THAP6: variants seen among roughly 807,000 people sequenced by gnomAD.
THAP6 encodes THAP domain containing 6, also known as THAP domain-containing protein 6.
Under a neutral mutation model 20.0 loss-of-function variants are expected in THAP6, and 13 were observed. That is an observed-to-expected ratio of 0.65 (90% CI 0.42 to 1.03). The LOEUF (loss-of-function observed/expected upper bound fraction) is 1.03, where lower values mean the gene tolerates loss of function less well. THAP6 is among the 50% of genes least tolerant of loss of function. The pLI is 0.00. For synonymous variants in THAP6, 93 were observed against 92.2 expected, an observed-to-expected ratio of 1.01 and a Z score of -0.05; for missense variants, 262 against 261.6, an observed-to-expected ratio of 1.00 and a Z score of -0.01.
intron 2 of THAP6, chr4:75,539,939 T>C (rs1404284517): frequency 1.3e-6 from 2 of 1,536,024 alleles, no homozygotes; most frequent in Admixed American, 2.0e-5. Flanking sequence ...GAATGGCAAG[T>C]GGACAGGCAA....
In THAP6 at chr4:75,515,480, T is replaced by A; in HGVS notation, c.28T>A (p.Cys10Ser). Reference sequence around the variant, plus strand: ...GGTGAAATGCTGCTCCGCCATTGGATGTGCTTCTCGCTGCTTGCCAAATTC... The same window carrying A: ...GGTGAAATGCTGCTCCGCCATTGGAAGTGCTTCTCGCTGCTTGCCAAATTC... Reference protein sequence around the residue: MVKCCSAIGCASRCLPNSKL... With the variant: MVKCCSAIGSASRCLPNSKL... Residue 10 changes from cysteine to serine, a missense_variant, in exon 2 of 5, where the codon TGT (cysteine) becomes AGT (serine). Physicochemically the swap from Cys to Ser is moderately radical, Grantham distance 112. Coordinates refer to ENST00000311638, the MANE Select transcript of THAP6 (RefSeq NM_144721.6). The A allele has an allele frequency of 1.2e-6, 2 of 1,614,076 alleles. No individual in the cohort carries two copies. The highest frequency in any genetic ancestry group is 1.7e-6 in the Non-Finnish European group (2 of 1,179,918).
Position 75,514,492 on chromosome 4 carries a change from G to C in THAP6, c.-49G>C. The C allele has an allele frequency of 3.7e-6, 2 of 539,864 alleles. No homozygotes were observed. The highest frequency in any genetic ancestry group is 5.4e-5 in the South Asian group (2 of 36,948). The allele number at this position is 539,864 out of a possible 1,614,324, so 33.4% of individuals were successfully genotyped here. On this transcript the variant is annotated 5_prime_UTR_variant, in exon 1 of 5. Coordinates refer to ENST00000311638, the MANE Select transcript of THAP6 (RefSeq NM_144721.6). ...GAAGGCAGACGCAGTCTCCGTCGTT[G>C]ACGTTAGTCGCAGTCTTCGCTGCTA...
intron 2 of THAP6, 68 bp downstream of exon 2, chr4:75,515,600 TAA>T: frequency 6.6e-7 from 1 of 1,513,078 alleles, no homozygotes; most frequent in Non-Finnish European, 9.2e-7. Flanking sequence ...CAGTTCTACT[TAA>T]GTCTTCAATT....
At chr4:75,533,711 C>T (rs1726760183), downstream of THAP6, among the ~76,000 whole-genome samples, 1 of 152,034 alleles carries the variant, frequency 6.6e-6, no homozygotes, top group Admixed American at 6.5e-5. Context: ...TGGCAGCAGG[C>T]AAAAAGAGCT....
intron 4 of THAP6, among the ~76,000 whole-genome samples, chr4:75,523,279 C>A (rs779118187): frequency 9.9e-5 from 15 of 152,086 alleles, no homozygotes; most frequent in Non-Finnish European, 1.9e-4. Flanking sequence ...ATGTTTTGCC[C>A]AGTATTTAAT....
upstream of THAP6, chr4:75,514,006 G>T: frequency 1.3e-6 from 1 of 769,802 alleles, no homozygotes; most frequent in Non-Finnish European, 2.0e-6. Flanking sequence ...AAGGTACGAA[G>T]CAGGTAGGAA....
At chr4:75,547,223 T>A (rs551384741) in intron 3 of THAP6, among the ~76,000 whole-genome samples, 14 of 152,322 alleles carry the variant, frequency 9.2e-5, no homozygotes, top group African/African-American at 3.4e-4. Flanking sequence ...GCCCTGGGGC[T>A]AAAACTAATC....
chr4:75,534,222 C>A (rs1396962133), downstream of THAP6, among the ~76,000 whole-genome samples: 1 of 152,120 alleles, frequency 6.6e-6, no homozygotes, highest in Non-Finnish European at 1.5e-5. Flanking sequence ...AATAAACATA[C>A]AATGGAACAG....
chr4:75,514,245 C>T, upstream of THAP6: 1 of 1,613,086 alleles, frequency 6.2e-7, no homozygotes, highest in Non-Finnish European at 8.5e-7. Context: ...GCTGACCTCG[C>T]TCTTGACCGC....
chr4:75,519,408 A>G (rs886211789), intron 3 of THAP6, among the ~76,000 whole-genome samples: 5 of 150,956 alleles, frequency 3.3e-5, no homozygotes, highest in Non-Finnish European at 5.9e-5. Flanking sequence ...TACATGTGCC[A>G]TGCTGGTGCG....
chr4:75,545,944 A>G (rs1248336549), intron 3 of THAP6, among the ~76,000 whole-genome samples: 1 of 152,086 alleles, frequency 6.6e-6, no homozygotes, highest in Non-Finnish European at 1.5e-5. Context: ...CTGCGGGCCC[A>G]CCCTAGAACT....
At chr4:75,516,701 TA>T in intron 2 of THAP6, 70 bp from the exon 3 acceptor site, 1 of 1,325,350 alleles carries the variant, frequency 7.5e-7, no homozygotes, top group Non-Finnish European at 1.0e-6. Context: ...CACAGTTGTA[TA>T]AGGCAGCTTT....
chr4:75,528,667 C>G lies in THAP6; in HGVS notation c.*1453C>G. On this transcript the variant is annotated 3_prime_UTR_variant, in exon 5 of 5. Transcript: ENST00000311638. ...ACCTTCCCTCTAAATGGGATTTAAC[C>G]CACATCTGCGAGATCAGCGTTATGC... 1 of 984,932 alleles carries G rather than the reference C, an allele frequency of 1.0e-6. No individual in the cohort carries two copies. The highest frequency in any genetic ancestry group is 1.2e-6 in the Non-Finnish European group (1 of 829,834). The allele number at this position is 984,932 out of a possible 1,614,324, so 61.0% of individuals were successfully genotyped here.
In THAP6 at chr4:75,528,731, G is replaced by GA. The variant is rs972744574; in HGVS notation, c.*1525dup. 4.2e-5 allele frequency: 34 copies of GA among 814,170 alleles called. No individual in the cohort carries two copies. The highest frequency in any genetic ancestry group is 5.0e-5 in the Non-Finnish European group (34 of 682,724). The allele number at this position is 814,170 out of a possible 1,614,324, so 50.4% of individuals were successfully genotyped here. ...CTGAGGCCATATCTTTTTACAATCT[G>GA]AAAAAAAAGTAGTAAAAAGGTAGTT... On this transcript the variant is annotated 3_prime_UTR_variant, in exon 5 of 5. Transcript: ENST00000311638.
Position 75,528,170 on chromosome 4 carries a change from A to T in THAP6, c.*956A>T. 1.0e-6 allele frequency: 1 copy of T among 985,170 alleles called. No homozygotes were observed. Among genetic ancestry groups the T allele is most frequent in the Non-Finnish European group, 1.2e-6 (1 of 829,670 alleles). 61.0% of individuals were successfully genotyped at this position (985,170 alleles called of 1,614,324 possible). ...GGAGAGAAAGGATTAGAATATTTTA[A>T]TTAGGGGAGTAGATTATTGTCCAAA... On this transcript the variant is annotated 3_prime_UTR_variant, in exon 5 of 5. Coordinates refer to ENST00000311638, the MANE Select transcript of THAP6 (RefSeq NM_144721.6).
chr4:75,523,526 G>A (rs935543102), intron 4 of THAP6, among the ~76,000 whole-genome samples: 6 of 152,060 alleles, frequency 3.9e-5, no homozygotes, highest in Admixed American at 2.0e-4. Context: ...TCTTTAGGCC[G>A]GGTGTGATGG....
chr4:75,534,674 G>A (rs1174402833), downstream of THAP6, among the ~76,000 whole-genome samples: 4 of 152,144 alleles, frequency 2.6e-5, no homozygotes, highest in Admixed American at 2.6e-4. Flanking sequence ...CTGACAAAGG[G>A]CTAATATCCA....
intron 2 of THAP6, 53 bp from the exon 3 acceptor site, chr4:75,516,719 A>T (rs549891083): frequency 6.6e-7 from 1 of 1,505,220 alleles, no homozygotes; most frequent in South Asian, 1.2e-5. Context: ...CTTTAATTCA[A>T]TTATATAGCA....
intron 3 of THAP6, among the ~76,000 whole-genome samples, chr4:75,518,222 T>C (rs1725786804): frequency 6.6e-6 from 1 of 152,234 alleles, no homozygotes; most frequent in Non-Finnish European, 1.5e-5. Flanking sequence ...AACCATAAGT[T>C]ACCAACTTTC....
Sources: allele counts gnomAD v4.1 joint callset (sites outside exome capture counted in the v4.1 genomes callset), GRCh38; gene constraint gnomAD v4.1.1; transcripts MANE v1.5; gene names NCBI Gene and HGNC (gene_info 2026-07-23, HGNC 2026-07-21).